The following CACNA1E variants were observed in gnomAD, a reference collection of about 807,000 sequenced individuals.
CACNA1E encodes the protein voltage-dependent R-type calcium channel subunit alpha-1E.
In CACNA1E, 40 loss-of-function variants were observed where a neutral mutation model predicts 259.2. That is an observed-to-expected ratio of 0.15 (90% CI 0.12 to 0.20). The LOEUF is 0.20. CACNA1E is among the 10% of genes least tolerant of loss of function. The probability of loss-of-function intolerance (pLI) is 1.00; values close to 1 mark genes in which losing one functional copy is unlikely to be tolerated. For missense variants in CACNA1E, 1,874 were observed against 3,040.1 expected (o/e 0.62, Z 9.02); for synonymous variants, 1,104 against 1,138.5 (o/e 0.97, Z 0.61).
chr1:181,546,043 T>A (rs1647417676), intron 3 of CACNA1E, among the ~76,000 whole-genome samples: 1 of 152,066 alleles, frequency 6.6e-6, no homozygotes, highest in Non-Finnish European at 1.5e-5. Flanking sequence ...ATGACTGGCC[T>A]GTGTTGACAG....
At chr1:181,357,285 T>C (rs2804697) in intron 1 of CACNA1E, among the ~76,000 whole-genome samples, 11,870 of 152,216 alleles carry the variant, frequency 0.078, 956 homozygotes, top group African/African-American at 0.2. Context: ...CTCAGACCCC[T>C]CAGAATGGGT....
chr1:181,732,751 C>G lies in CACNA1E; in HGVS notation c.2665C>G (p.His889Asp), dbSNP rs374935515. The part of the protein sequence containing the change: ...REPPWLARPC[H>D]GNCDPTQQEA... ...GCCACCATGGCTGGCCAGGCCCTGT[C>G]ATGGAAACTGTGACCCGACTCAGCA... is the stretch of plus-strand genomic sequence containing the variant. The change falls in exon 20 of 48, where the codon CAT becomes GAT. Residue 889 changes from histidine (H) to aspartate (D), a missense_variant. Around this residue, in one of 14 missense-constraint regions of CACNA1E, gnomAD observed 476 missense variants for 514.0 expected, o/e 0.93. Transcript: ENST00000367573. This position sits in a 1 kb window ranked among gnomAD's most constrained non-coding sequence, Gnocchi z 5.5. The G allele has an allele frequency of 3.2e-5, 50 of 1,567,736 alleles. No homozygotes were observed. The highest frequency in any genetic ancestry group is 4.0e-5 in the Non-Finnish European group (46 of 1,157,306).
At position 181,805,576 on chromosome 1, in the gene CACNA1E, G is replaced by A. The variant is rs1662572279; in HGVS notation, c.*6742G>A. ...TGGAGTTAGTAAAAACATAGGTATT[G>A]AGTTTTAATGGCTACCAATTGGGAT... On this transcript the variant is annotated 3_prime_UTR_variant, in exon 48 of 48. Transcript: ENST00000367573. The A allele has an allele frequency of 6.6e-6, 1 of 152,228 alleles. No individual in the cohort carries two copies. The highest frequency in any genetic ancestry group is 1.5e-5 in the Non-Finnish European group (1 of 68,046). The allele number at this position is 152,228 out of a possible 1,614,324, so 9.4% of individuals were successfully genotyped here. A position where few individuals can be genotyped will look rare whatever the true frequency, so the allele number is the denominator to read the frequency against.
chr1:181,725,027 C>G (rs1269538210), intron 17 of CACNA1E, among the ~76,000 whole-genome samples: 1 of 152,228 alleles, frequency 6.6e-6, no homozygotes, highest in Admixed American at 6.5e-5. Context: ...AAGCCAGATA[C>G]TAAATTTCTC....
At position 181,758,890 on chromosome 1, in the gene CACNA1E, A is replaced by G. The variant is rs774697643; in HGVS notation, c.4605+22A>G. 1 of 1,300,730 alleles carries G rather than the reference A, an allele frequency of 7.7e-7. No individual in the cohort carries two copies. Among genetic ancestry groups the G allele is most frequent in the Non-Finnish European group, 1.1e-6 (1 of 897,248 alleles). 80.6% of individuals were successfully genotyped at this position (1,300,730 alleles called of 1,614,324 possible). A position where few individuals can be genotyped will look rare whatever the true frequency, so the allele number is the denominator to read the frequency against. On this transcript the variant is annotated intron_variant, in intron 32 of 47. Coordinates refer to ENST00000367573, the MANE Select transcript of CACNA1E (RefSeq NM_001205293.3). This position sits in a 1 kb window ranked among gnomAD's most constrained non-coding sequence, Gnocchi z 4.2. ...TTTGGTATGTTGCTGAATCCTTCCC[A>G]GCACTGGGCTTGTCTCTTTCTGTTG...
chr1:181,691,598 G>A lies in CACNA1E; in HGVS notation c.1056-19356G>A, dbSNP rs554041842. Among the ~76,000 whole-genome samples, 40 of 152,100 alleles carry A rather than the reference G, an allele frequency of 2.6e-4. No homozygotes were observed. In the South Asian group the frequency reaches 8.1e-3, roughly 31 times the overall value. On this transcript the variant is annotated intron_variant, in intron 7 of 47. Transcript: ENST00000367573. ...GATCATCTTAATAGATACAGAAAAA[G>A]CCTTTGATAAAATCCAACATTGCTT...
At chr1:181,507,106 C>T (rs1016181134) in intron 1 of CACNA1E, among the ~76,000 whole-genome samples, 1 of 151,416 alleles carries the variant, frequency 6.6e-6, no homozygotes, top group Non-Finnish European at 1.5e-5. Context: ...GGCCTCACAT[C>T]AGATAGTGGG....
intron 3 of CACNA1E, among the ~76,000 whole-genome samples, chr1:181,514,990 G>A (rs556610123): frequency 2.5e-4 from 38 of 152,260 alleles, no homozygotes; most frequent in African/African-American, 8.4e-4. Context: ...GGATCAGAGA[G>A]GGCACATGAA....
At chr1:181,504,473 C>T (rs1209989309) in intron 1 of CACNA1E, among the ~76,000 whole-genome samples, 1 of 152,134 alleles carries the variant, frequency 6.6e-6, no homozygotes, top group East Asian at 1.9e-4. Context: ...CAGGATGAGC[C>T]CCCTGGTGGT....
rs1558343730 is a variant in CACNA1E at position 181,750,442 on chromosome 1, AT to A, written c.3720-30del. On this transcript the variant is annotated intron_variant, in intron 25 of 47. Transcript: ENST00000367573. ...CATTTTTTTGTTTTGTTTTATTTTGATTTTCTACTGCTCTCTGATTGGATCC... is the reference window on the plus strand; with the variant it reads ...CATTTTTTTGTTTTGTTTTATTTTGATTTCTACTGCTCTCTGATTGGATCC... 1.9e-6 allele frequency: 3 copies of A among 1,609,256 alleles called. No homozygotes were observed. In the South Asian group the frequency reaches 3.3e-5, roughly 18 times the overall value.
intron 3 of CACNA1E, among the ~76,000 whole-genome samples, chr1:181,517,696 C>T (rs1212057580): frequency 6.6e-6 from 1 of 152,026 alleles, no homozygotes; most frequent in Non-Finnish European, 1.5e-5. Flanking sequence ...TCCCCAGCTT[C>T]TCGCCAGTGG....
chr1:181,722,338 C>T (rs547894905), intron 16 of CACNA1E, among the ~76,000 whole-genome samples: 19 of 152,280 alleles, frequency 1.2e-4, no homozygotes, highest in East Asian at 9.6e-4. Flanking sequence ...TTGGGCTATA[C>T]GTGAGACCTT....
intron 6 of CACNA1E, among the ~76,000 whole-genome samples, chr1:181,626,341 A>G (rs1218338688): frequency 6.6e-6 from 1 of 152,262 alleles, no homozygotes; most frequent in African/African-American, 2.4e-5. Flanking sequence ...AGTAAAGTAC[A>G]GTAAAATGAG....
At chr1:181,378,706 C>T (rs1655262672) in intron 1 of CACNA1E, among the ~76,000 whole-genome samples, 1 of 152,126 alleles carries the variant, frequency 6.6e-6, no homozygotes, top group African/African-American at 2.4e-5. Flanking sequence ...TAAATAGTGC[C>T]TATTCTCAGT....
chr1:181,335,987 C>G (rs1651681375), intron 1 of CACNA1E, among the ~76,000 whole-genome samples: 1 of 152,200 alleles, frequency 6.6e-6, no homozygotes, highest in African/African-American at 2.4e-5. Flanking sequence ...AGTGGTTATC[C>G]AGACGACCTC....
intron 46 of CACNA1E, 62 bp from the exon 47 acceptor site, chr1:181,796,606 C>T (rs1553360965): frequency 7.9e-7 from 1 of 1,268,426 alleles, no homozygotes; most frequent in Non-Finnish European, 1.1e-6. Flanking sequence ...AGAGAAGTCC[C>T]TTCATCATCA....
chr1:181,666,135 A>C (rs964845750), intron 7 of CACNA1E, among the ~76,000 whole-genome samples: 1 of 152,166 alleles, frequency 6.6e-6, no homozygotes, highest in East Asian at 1.9e-4. Flanking sequence ...TTGTCTTTTT[A>C]AATGTTCTCC....
chr1:181,329,540 T>A (rs1370280701), intron 1 of CACNA1E, among the ~76,000 whole-genome samples: 1 of 152,172 alleles, frequency 6.6e-6, no homozygotes, highest in Admixed American at 6.5e-5. Flanking sequence ...ACACTCTTTC[T>A]CACTGCAGGC....
intron 19 of CACNA1E, 99 bp downstream of exon 19, chr1:181,731,330 A>T (rs1655455145): frequency 4.5e-6 from 4 of 895,552 alleles, no homozygotes; most frequent in Non-Finnish European, 7.4e-6. Flanking sequence ...CTGGGTGTGC[A>T]TGTCAGTGTG....
Sources: gnomAD v4.1 joint callset for allele counts (sites outside exome capture counted in the v4.1 genomes callset) on GRCh38, gnomAD v4.1.1 for gene constraint, gnomAD v4.1.1 regional missense constraint, Gnocchi (gnomAD v3.1) non-coding constraint, MANE v1.5 for transcripts, NCBI Gene and HGNC (gene_info 2026-07-23, HGNC 2026-07-21) for gene names.